FNIP1: variants seen among roughly 807,000 people sequenced by gnomAD.
FNIP1 encodes the protein folliculin-interacting protein 1.
A neutral mutation model predicts 124.5 loss-of-function variants in FNIP1; 40 were observed. The observed-to-expected ratio is 0.32, with a 90% confidence interval of 0.25 to 0.42. The LOEUF (loss-of-function observed/expected upper bound fraction) is 0.42, where lower values mean the gene tolerates loss of function less well. Among genes scored for constraint, FNIP1 ranks in the 10% least tolerant of loss-of-function variants. The pLI is 1.00. For missense variants in FNIP1, 1,176 were observed against 1,403.7 expected (o/e 0.84, Z 2.59); for synonymous variants, 472 against 470.6 (o/e 1.00, Z -0.04).
intron 1 of FNIP1, among the ~76,000 whole-genome samples, chr5:131,792,151 T>C (rs1772426382): frequency 6.6e-6 from 1 of 150,850 alleles, no homozygotes; most frequent in Admixed American, 6.6e-5. Context: ...TTCATGATGA[T>C]AACTGGCACT....
At chr5:131,689,811 T>C (rs1428471267) in intron 11 of FNIP1, among the ~76,000 whole-genome samples, 2 of 152,200 alleles carry the variant, frequency 1.3e-5, no homozygotes, top group African/African-American at 4.8e-5. Context: ...TCCAACTATA[T>C]CAATTATCAC....
chr5:131,696,940 G>T (rs10071356), intron 11 of FNIP1, among the ~76,000 whole-genome samples: 2,891 of 152,138 alleles, frequency 0.019, 43 homozygotes, highest in Middle Eastern at 0.078. Context: ...TCAAGTAAAT[G>T]ATTATTATAC....
intron 8 of FNIP1, among the ~76,000 whole-genome samples, chr5:131,707,872 A>T (rs1410976058): frequency 6.6e-6 from 1 of 152,214 alleles, no homozygotes; most frequent in Non-Finnish European, 1.5e-5. Context: ...AAAGAATGTA[A>T]GTATAAATAA....
At position 131,706,463 on chromosome 5, in the gene FNIP1, G is replaced by A; in HGVS notation, c.862C>T (p.Arg288Cys). 4 of 1,613,390 alleles carry A rather than the reference G, an allele frequency of 2.5e-6. No homozygotes were observed. Among genetic ancestry groups the A allele is most frequent in the African/African-American group, 1.3e-5 (1 of 75,000 alleles). The change falls in exon 9 of 18, where the codon CGT becomes TGT. Residue 288 changes from arginine to cysteine, a missense_variant. By Grantham distance (180) the Arg-to-Cys change is radical (BLOSUM62 -3). This residue lies in a region of FNIP1 where 1,109 missense variants were observed against 1,288.5 expected (regional missense o/e 0.86). Coordinates refer to ENST00000510461, the MANE Select transcript of FNIP1 (RefSeq NM_133372.3). ...CTTGTTGTTTGGCTGCGTCGCCAACGTCGCTGGTAGCTGCTGGCACAACTT... is the reference window on the plus strand; with the variant it reads ...CTTGTTGTTTGGCTGCGTCGCCAACATCGCTGGTAGCTGCTGGCACAACTT... ...TRSCASSYQR[R>C]WRRSQTTSLE... is the part of the protein sequence containing the mutation.
intron 11 of FNIP1, among the ~76,000 whole-genome samples, chr5:131,694,434 C>CA (rs2149527314): frequency 6.6e-6 from 1 of 152,154 alleles, no homozygotes; most frequent in Admixed American, 6.5e-5. Flanking sequence ...GCAACACCAC[C>CA]ACCACCACCA....
At position 131,672,879 on chromosome 5, in the gene FNIP1, G is replaced by T; in HGVS notation, c.1565C>A (p.Thr522Asn). 6.3e-7 allele frequency: 1 copy of T among 1,597,840 alleles called. No homozygotes were observed. The part of the protein sequence containing the change: ...AIGSPVRLAR[T>N]VVVGKRQDMV... The stretch of plus-strand genomic sequence containing the variant: ...GTCTTGTCGTTTGCCAACTACCACA[G>T]TCCTTGCTAACCGTACGGGAGAGCC... Residue 522 changes from threonine (T) to asparagine (N), a missense_variant, in exon 14 of 18, where the codon ACT becomes AAT. By Grantham distance (65) the Thr-to-Asn change is moderately conservative. This residue lies in a region of FNIP1 where 1,109 missense variants were observed against 1,288.5 expected (regional missense o/e 0.86). Transcript: ENST00000510461.
chr5:131,676,980 C>G (rs1462173809), intron 13 of FNIP1, among the ~76,000 whole-genome samples: 2 of 152,138 alleles, frequency 1.3e-5, no homozygotes, highest in African/African-American at 4.8e-5. Context: ...TACTCTTCCC[C>G]CATCATCTAA....
Position 131,679,247 on chromosome 5 carries a change from T to TATA in FNIP1, c.1203-75_1203-73dup, listed in dbSNP as rs1768001645. 29 of 907,756 alleles carry TATA rather than the reference T, an allele frequency of 3.2e-5. No individual in the cohort carries two copies. The South Asian group carries it at 4.1e-4, about 13-fold the overall frequency. 56.2% of individuals were successfully genotyped at this position (907,756 alleles called of 1,614,324 possible). ...CATACTCTTAAAATAATTTTAAGTT[T>TATA]ATATTGCCAGCTTGGTCCTTACATC... On this transcript the variant is annotated intron_variant, in intron 11 of 17. Transcript: ENST00000510461.
At chr5:131,722,265 C>T (rs891968592) in intron 3 of FNIP1, among the ~76,000 whole-genome samples, 5 of 152,150 alleles carry the variant, frequency 3.3e-5, no homozygotes, top group African/African-American at 1.2e-4. Flanking sequence ...GAACCATGGT[C>T]TCTGAGGGTA....
At chr5:131,702,077 T>C (rs1360487317) in intron 10 of FNIP1, among the ~76,000 whole-genome samples, 3 of 152,198 alleles carry the variant, frequency 2.0e-5, no homozygotes, top group South Asian at 2.1e-4. Flanking sequence ...TGTGCAAAAG[T>C]AGAAATGGCC....
chr5:131,742,990 C>A (rs1329264287), intron 2 of FNIP1, among the ~76,000 whole-genome samples: 1 of 152,066 alleles, frequency 6.6e-6, no homozygotes, highest in Non-Finnish European at 1.5e-5. Context: ...AGGTGAGTAA[C>A]AGGACAATTT....
intron 1 of FNIP1, chr5:131,796,619 C>T: frequency 1.8e-6 from 1 of 570,986 alleles, no homozygotes; most frequent in African/African-American, 2.0e-5. Flanking sequence ...GGGGAAGGGG[C>T]AACGGCGAGG....
At chr5:131,764,709 C>T (rs553499972) in intron 1 of FNIP1, among the ~76,000 whole-genome samples, 28 of 152,076 alleles carry the variant, frequency 1.8e-4, no homozygotes, top group South Asian at 1.0e-3. Context: ...AACATCTATA[C>T]GCATTTGAGA....
chr5:131,732,957 A>G (rs186567058), intron 2 of FNIP1, among the ~76,000 whole-genome samples: 3 of 152,320 alleles, frequency 2.0e-5, no homozygotes, highest in Admixed American at 6.5e-5. Context: ...CTTTCTATCC[A>G]TGAGCATGGA....
chr5:131,719,264 AC>A, intron 4 of FNIP1, 52 bp downstream of exon 4: 1 of 1,534,390 alleles, frequency 6.5e-7, no homozygotes, highest in Non-Finnish European at 8.9e-7. Flanking sequence ...CTCTAAAAAA[AC>A]GAAAATATCT....
intron 16 of FNIP1, among the ~76,000 whole-genome samples, chr5:131,649,617 T>C (rs1020616865): frequency 2.0e-5 from 3 of 152,198 alleles, no homozygotes; most frequent in Non-Finnish European, 4.4e-5. Flanking sequence ...TTTCACTCTG[T>C]TGATAGCTAA....
intron 11 of FNIP1, among the ~76,000 whole-genome samples, chr5:131,688,453 G>A (rs571053437): frequency 3.0e-4 from 45 of 151,784 alleles, no homozygotes; most frequent in African/African-American, 1.1e-3. Flanking sequence ...ATCATATATA[G>A]CTATCAATGA....
intron 1 of FNIP1, among the ~76,000 whole-genome samples, chr5:131,754,740 C>G (rs1298074049): frequency 6.6e-6 from 1 of 152,216 alleles, no homozygotes; most frequent in Non-Finnish European, 1.5e-5. Context: ...CTTCTTCATC[C>G]AGGCAATGAG....
chr5:131,730,765 T>C (rs959403905), intron 3 of FNIP1, 139 bp downstream of exon 3: 9 of 555,774 alleles, frequency 1.6e-5, no homozygotes, highest in African/African-American at 1.3e-4. Flanking sequence ...ATAAACATAA[T>C]TGTTTATCTG....
Sources: gnomAD v4.1 joint callset for allele counts (sites outside exome capture counted in the v4.1 genomes callset) on GRCh38, gnomAD v4.1.1 for gene constraint, gnomAD v4.1.1 regional missense constraint, MANE v1.5 for transcripts, NCBI Gene and HGNC (gene_info 2026-07-23, HGNC 2026-07-21) for gene names.